INPP5F: variants seen among roughly 807,000 people sequenced by gnomAD.
INPP5F encodes inositol polyphosphate-5-phosphatase F.
In INPP5F, 97 loss-of-function variants were observed where a neutral mutation model predicts 137.2. The observed-to-expected ratio is 0.71, with a 90% CI of 0.60 to 0.84. The LOEUF (loss-of-function observed/expected upper bound fraction) is 0.84, where lower values mean the gene tolerates loss of function less well. Among genes scored for constraint, INPP5F ranks in the 40% least tolerant of loss-of-function variants. The probability of loss-of-function intolerance (pLI) is 0.00; values close to 1 mark genes in which losing one functional copy is unlikely to be tolerated. For missense variants in INPP5F, 1,271 were observed against 1,371.9 expected (o/e 0.93, Z 1.16); for synonymous variants, 504 against 476.9 (o/e 1.06, Z -0.74).
chr10:119,824,011 T>C, intron 19 of INPP5F, 109 bp downstream of exon 19: 2 of 733,350 alleles, frequency 2.7e-6, no homozygotes, highest in South Asian at 3.7e-5. Flanking sequence ...GGTAAGGTGT[T>C]GGTATTTAGA....
At chr10:119,752,446 A>G (rs1848714607) in intron 2 of INPP5F, among the ~76,000 whole-genome samples, 1 of 152,106 alleles carries the variant, frequency 6.6e-6, no homozygotes, top group African/African-American at 2.4e-5. Flanking sequence ...TTATCTGGGC[A>G]TGGTGGCGCA....
chr10:119,765,354 T>G (rs1293204378), intron 2 of INPP5F, among the ~76,000 whole-genome samples: 1 of 151,812 alleles, frequency 6.6e-6, no homozygotes, highest in African/African-American at 2.4e-5. Flanking sequence ...GTTTTGGGGG[T>G]GTTAAAAGTT....
chr10:119,781,912 A>G (rs1415303971), intron 3 of INPP5F, 141 bp downstream of exon 3: 3 of 682,578 alleles, frequency 4.4e-6, no homozygotes, highest in East Asian at 2.9e-5. Context: ...AGATTTTCCA[A>G]CTTAGTAGTG....
chr10:119,763,555 A>G (rs1249571533), intron 2 of INPP5F, among the ~76,000 whole-genome samples: 1 of 152,164 alleles, frequency 6.6e-6, no homozygotes. Context: ...ATTCCTTCCC[A>G]GTTCATTCCC....
chr10:119,730,323 T>G (rs1848020884), intron 1 of INPP5F, among the ~76,000 whole-genome samples: 1 of 152,230 alleles, frequency 6.6e-6, no homozygotes, highest in Non-Finnish European at 1.5e-5. Context: ...TTGGCCAGGC[T>G]GGTCTCGAAC....
chr10:119,800,767 T>C (rs1850559666), intron 9 of INPP5F, among the ~76,000 whole-genome samples: 1 of 151,940 alleles, frequency 6.6e-6, no homozygotes, highest in Non-Finnish European at 1.5e-5. Context: ...TTAGGTAACA[T>C]GGAGAAATCC....
At chr10:119,749,383 CTTAT>C (rs2134121840) in intron 1 of INPP5F, among the ~76,000 whole-genome samples, 1 of 152,372 alleles carries the variant, frequency 6.6e-6, no homozygotes, top group African/African-American at 2.4e-5. Flanking sequence ...ATCAATAATG[CTTAT>C]TTATTAGCGC....
chr10:119,811,893 G>A lies in INPP5F; in HGVS notation c.1824G>A (p.Lys608=), dbSNP rs1851049848. 6.2e-7 allele frequency: 1 copy of A among 1,614,182 alleles called. No homozygotes were observed. The highest frequency in any genetic ancestry group is 8.5e-7 in the Non-Finnish European group (1 of 1,180,026). Residue 608 remains lysine (K), a synonymous_variant, in exon 15 of 20, where the codon AAG becomes AAA. Transcript: ENST00000650623. ...LISQLLQSYM[K]LLLPDDEKFH... ...GCCAGCTCTTACAAAGTTACATGAA[G>A]TTACTACTGCCTGATGATGAGAAGT...
At chr10:119,803,169 A>G (rs1349641573) in intron 9 of INPP5F, among the ~76,000 whole-genome samples, 1 of 152,168 alleles carries the variant, frequency 6.6e-6, no homozygotes, top group Non-Finnish European at 1.5e-5. Flanking sequence ...CATTTGGTAC[A>G]CAGGCTTAAA....
chr10:119,805,449 T>C lies in INPP5F; in HGVS notation c.1307T>C (p.Met436Thr). Residue 436 changes from methionine (M) to threonine (T), a missense_variant, in exon 11 of 20, where the codon ATG becomes ACG. This residue lies in a region of INPP5F where 593 missense variants were observed against 712.4 expected (regional missense o/e 0.83). Coordinates refer to ENST00000650623, the MANE Select transcript of INPP5F (RefSeq NM_014937.4). ...GCCATTTATGACATTATTCTTGATATGAAGTGGTGTTGGTAAGTATTTTAC... is the reference window on the plus strand; with the variant it reads ...GCCATTTATGACATTATTCTTGATACGAAGTGGTGTTGGTAAGTATTTTAC... The part of the protein sequence containing the change: ...TDAIYDIILD[M>T]KWCWVDEAGV... 1.2e-6 allele frequency: 2 copies of C among 1,608,452 alleles called. No homozygotes were observed. Among genetic ancestry groups the C allele is most frequent in the South Asian group, 1.1e-5 (1 of 90,958 alleles).
intron 15 of INPP5F, chr10:119,816,329 G>A (rs897123253): frequency 2.6e-5 from 4 of 152,084 alleles, no homozygotes; most frequent in African/African-American, 4.8e-5. Context: ...CCTCTTCCGT[G>A]GATTATGGAT....
intron 2 of INPP5F, among the ~76,000 whole-genome samples, chr10:119,763,967 A>G (rs558604669): frequency 9.2e-5 from 14 of 152,374 alleles, no homozygotes; most frequent in Non-Finnish European, 1.8e-4. Flanking sequence ...ATATTGTCCA[A>G]TAACACGTTC....
intron 16 of INPP5F, 84 bp downstream of exon 16, chr10:119,821,001 T>C (rs1589756856): frequency 1.2e-6 from 1 of 844,432 alleles, no homozygotes; most frequent in Admixed American, 1.9e-5. Context: ...AACAAAAAAA[T>C]GTGAGAATAT....
intron 15 of INPP5F, among the ~76,000 whole-genome samples, chr10:119,812,445 C>A (rs779754524): frequency 4.0e-5 from 6 of 148,982 alleles, no homozygotes; most frequent in Non-Finnish European, 8.9e-5. Flanking sequence ...ATAGTGGGAT[C>A]TAAATTTATC....
intron 7 of INPP5F, 57 bp from the exon 8 acceptor site, chr10:119,797,404 G>A (rs575804750): frequency 1.5e-6 from 2 of 1,342,448 alleles, no homozygotes; most frequent in South Asian, 2.7e-5. Context: ...GCATAATCTA[G>A]CCAGACTAAA....
At chr10:119,737,898 C>CA (rs919533767) in intron 1 of INPP5F, among the ~76,000 whole-genome samples, 3 of 149,394 alleles carry the variant, frequency 2.0e-5, no homozygotes, top group African/African-American at 7.4e-5. Context: ...ACTCTGATAC[C>CA]TTTTTTTTTT....
Position 119,827,937 on chromosome 10 carries a change from T to A in INPP5F, c.*157T>A. ...GTCGGAACCTGAGTAGATTTCCAAA[T>A]TTTACAGCCAGGACTACAGAAGTGC... is the stretch of plus-strand genomic sequence containing the variant. On this transcript the variant is annotated 3_prime_UTR_variant, in exon 20 of 20. Coordinates refer to ENST00000650623, the MANE Select transcript of INPP5F (RefSeq NM_014937.4). 6.5e-6 allele frequency: 4 copies of A among 611,474 alleles called. No individual in the cohort carries two copies. Among genetic ancestry groups the A allele is most frequent in the Admixed American group, 3.0e-5 (1 of 33,010 alleles). 37.9% of individuals were successfully genotyped at this position (611,474 alleles called of 1,614,324 possible).
chr10:119,745,574 C>T (rs1327948125), intron 1 of INPP5F, among the ~76,000 whole-genome samples: 6 of 93,634 alleles, frequency 6.4e-5, no homozygotes, highest in African/African-American at 2.5e-4. Flanking sequence ...ACTGAAAACA[C>T]GATTTAACTT....
Position 119,826,673 on chromosome 10 carries a change from T to C in INPP5F, c.2292T>C (p.Ser764=), listed in dbSNP as rs1232817701. 2 of 1,607,080 alleles carry C rather than the reference T, an allele frequency of 1.2e-6. No homozygotes were observed. The highest frequency in any genetic ancestry group is 1.7e-6 in the Non-Finnish European group (2 of 1,178,208). The change falls in exon 20 of 20, where the codon TCT becomes TCC. Residue 764 remains serine, a synonymous_variant. Coordinates refer to ENST00000650623, the MANE Select transcript of INPP5F (RefSeq NM_014937.4). The stretch of plus-strand genomic sequence containing the variant: ...ACGAAGACATCATTGGTATCAGGTC[T>C]CAAAACCAAGGTTCTTTGGCCCAGG... ...KPHEDIIGIR[S]QNQGSLAQGK...
Sources: gnomAD v4.1 joint callset for allele counts (sites outside exome capture counted in the v4.1 genomes callset) on GRCh38, gnomAD v4.1.1 for gene constraint, gnomAD v4.1.1 regional missense constraint, MANE v1.5 for transcripts, NCBI Gene and HGNC (gene_info 2026-07-23, HGNC 2026-07-21) for gene names.